HTR1E: variants seen among roughly 807,000 people sequenced by gnomAD.
HTR1E encodes 5-HT-1E.
HTR1E carries 3 observed loss-of-function variants against 3.4 expected under a neutral mutation model. The ratio of observed to expected loss-of-function variants is 0.89; its 90% confidence interval spans 0.41 to 2.31. The LOEUF is 2.31. Ranked by LOEUF, HTR1E falls within the 30% of genes most tolerant of loss-of-function variation. HTR1E has a pLI of 0.05. For missense variants in HTR1E, 392 were observed against 467.0 expected, an observed-to-expected ratio of 0.84 and a Z score of 1.48; for synonymous variants, 170 against 182.8, an observed-to-expected ratio of 0.93 and a Z score of 0.56.
intron 1 of HTR1E, among the ~76,000 whole-genome samples, chr6:86,983,803 CT>C (rs370679773): frequency 1.5e-3 from 230 of 152,126 alleles, no homozygotes; most frequent in African/African-American, 4.6e-3. Context: ...TTATTCAGAT[CT>C]TTTTTTCTAT....
Position 86,983,010 on chromosome 6 carries a change from T to C in HTR1E, c.-185-32140T>C, listed in dbSNP as rs577361805. Reference sequence around the variant, plus strand: ...GCTTCCTTAAGGATGGCAGAATGCATTGCAAATTCAGAAACATATTTAACA... The same window carrying C: ...GCTTCCTTAAGGATGGCAGAATGCACTGCAAATTCAGAAACATATTTAACA... On this transcript the variant is annotated intron_variant, in intron 1 of 1. Transcript: ENST00000305344. Among the ~76,000 whole-genome samples, 4 of 152,336 alleles carry C rather than the reference T, an allele frequency of 2.6e-5. No individual in the cohort carries two copies. In the East Asian group the frequency reaches 7.7e-4, roughly 29 times the overall value.
chr6:86,960,981 T>G (rs1196608002), intron 1 of HTR1E, among the ~76,000 whole-genome samples: 1 of 152,254 alleles, frequency 6.6e-6, no homozygotes, highest in African/African-American at 2.4e-5. Flanking sequence ...GATTCTGAAT[T>G]GCTTTACACA....
chr6:86,995,966 A>G (rs1767935097), intron 1 of HTR1E, among the ~76,000 whole-genome samples: 2 of 152,234 alleles, frequency 1.3e-5, no homozygotes, highest in Admixed American at 6.5e-5. Flanking sequence ...AGCACCTGCA[A>G]AATACGTGAA....
At chr6:87,009,474 C>A (rs1768168588) in intron 1 of HTR1E, among the ~76,000 whole-genome samples, 1 of 151,854 alleles carries the variant, frequency 6.6e-6, no homozygotes, top group Non-Finnish European at 1.5e-5. Context: ...TCCACACAGA[C>A]ACGGCAACCA....
chr6:87,003,195 G>A (rs943123766), intron 1 of HTR1E, among the ~76,000 whole-genome samples: 4 of 152,098 alleles, frequency 2.6e-5, no homozygotes, highest in African/African-American at 9.7e-5. Context: ...ACAAACACAT[G>A]GAAATTAAAC....
chr6:86,948,785 G>A (rs1457200289), intron 1 of HTR1E, among the ~76,000 whole-genome samples: 4 of 152,128 alleles, frequency 2.6e-5, no homozygotes, highest in Non-Finnish European at 4.4e-5. Flanking sequence ...AGACCAATTG[G>A]AATCAATGAG....
chr6:86,977,147 T>C (rs1347520340), intron 1 of HTR1E, among the ~76,000 whole-genome samples: 2 of 152,152 alleles, frequency 1.3e-5, no homozygotes, highest in Non-Finnish European at 2.9e-5. Context: ...GGAGTAAGCT[T>C]AGTACCCAAC....
intron 1 of HTR1E, among the ~76,000 whole-genome samples, chr6:86,950,884 T>A (rs1767229447): frequency 6.6e-6 from 1 of 152,140 alleles, no homozygotes; most frequent in Admixed American, 6.6e-5. Flanking sequence ...TTGGGAAGAT[T>A]TTTTCAAATC....
intron 1 of HTR1E, among the ~76,000 whole-genome samples, chr6:86,959,570 C>T (rs1767377876): frequency 6.6e-6 from 1 of 152,164 alleles, no homozygotes; most frequent in Admixed American, 6.5e-5. Flanking sequence ...AGTGTTTTGA[C>T]TAATCTGGGT....
intron 1 of HTR1E, among the ~76,000 whole-genome samples, chr6:86,963,462 A>G (rs1462671034): frequency 6.6e-6 from 1 of 152,186 alleles, no homozygotes; most frequent in East Asian, 1.9e-4. Context: ...TTGTTTATAA[A>G]TTTAATGTAG....
chr6:86,967,094 A>G (rs1276186759), intron 1 of HTR1E, among the ~76,000 whole-genome samples: 1 of 152,204 alleles, frequency 6.6e-6, no homozygotes, highest in Non-Finnish European at 1.5e-5. Flanking sequence ...AGACTGTGAA[A>G]CCAGACACAT....
At chr6:86,982,140 G>A (rs1203141753) in intron 1 of HTR1E, among the ~76,000 whole-genome samples, 2 of 152,148 alleles carry the variant, frequency 1.3e-5, no homozygotes. Flanking sequence ...CTGTCTTTAC[G>A]CACTAGAACT....
intron 1 of HTR1E, among the ~76,000 whole-genome samples, chr6:86,948,315 G>A (rs1041244427): frequency 1.3e-5 from 2 of 152,036 alleles, no homozygotes; most frequent in African/African-American, 4.8e-5. Flanking sequence ...TTGTTGTATG[G>A]ATATACTATA....
intron 1 of HTR1E, among the ~76,000 whole-genome samples, chr6:87,010,489 G>A (rs1768206543): frequency 6.7e-6 from 1 of 148,808 alleles, no homozygotes; most frequent in African/African-American, 2.5e-5. Flanking sequence ...CCGGGCAGAG[G>A]CGCTCCTCAC....
intron 1 of HTR1E, among the ~76,000 whole-genome samples, chr6:86,943,336 G>A (rs969996249): frequency 2.0e-4 from 30 of 152,236 alleles, no homozygotes; most frequent in African/African-American, 6.3e-4. Context: ...CTAAGCTCCC[G>A]CCAGCTTCCT....
intron 1 of HTR1E, among the ~76,000 whole-genome samples, chr6:87,012,695 C>T (rs996222810): frequency 2.0e-5 from 3 of 152,128 alleles, no homozygotes; most frequent in African/African-American, 7.2e-5. Flanking sequence ...AACAAATGAC[C>T]GCAAACACTT....
chr6:86,964,548 C>T, intron 1 of HTR1E, among the ~76,000 whole-genome samples: 1 of 152,070 alleles, frequency 6.6e-6, no homozygotes, highest in East Asian at 1.9e-4. Flanking sequence ...TCTTTCTCTG[C>T]CTTTATATTT....
chr6:86,956,245 C>G (rs1030655683), intron 1 of HTR1E, among the ~76,000 whole-genome samples: 18 of 152,106 alleles, frequency 1.2e-4, no homozygotes, highest in Admixed American at 7.9e-4. Flanking sequence ...CTTCCCTTTC[C>G]AGGTCTTTTT....
At chr6:86,946,273 A>G (rs1768615728) in intron 1 of HTR1E, among the ~76,000 whole-genome samples, 1 of 152,138 alleles carries the variant, frequency 6.6e-6, no homozygotes. Context: ...TTCCCTACAC[A>G]AGTATCCCAT....
Sources: allele counts gnomAD v4.1 joint callset (sites outside exome capture counted in the v4.1 genomes callset), GRCh38; gene constraint gnomAD v4.1.1; transcripts MANE v1.5; gene names NCBI Gene and HGNC (gene_info 2026-07-23, HGNC 2026-07-21).